AXL: variants seen among roughly 807,000 people sequenced by gnomAD.
AXL encodes tyrosine-protein kinase receptor UFO.
Under a neutral mutation model 104.5 loss-of-function variants are expected in AXL, and 52 were observed. That is an observed-to-expected ratio of 0.50 (90% CI 0.40 to 0.63). The LOEUF (loss-of-function observed/expected upper bound fraction) is 0.63. Among genes scored for constraint, AXL ranks in the 20% least tolerant of loss-of-function variants. The probability of loss-of-function intolerance (pLI) is 0.00; values close to 1 mark genes in which losing one functional copy is unlikely to be tolerated. For synonymous variants in AXL, 455 were observed against 473.7 expected (o/e 0.96, Z 0.51); for missense variants, 1,024 against 1,188.5 (o/e 0.86, Z 2.04).
chr19:41,231,246 C>A lies in AXL; in HGVS notation c.731C>A (p.Ala244Asp), dbSNP rs950685158. 3.1e-6 allele frequency: 5 copies of A among 1,613,760 alleles called. No homozygotes were observed. The highest frequency in any genetic ancestry group is 4.2e-6 in the Non-Finnish European group (5 of 1,179,848). Residue 244 changes from alanine (A) to aspartate (D), a missense_variant, in exon 6 of 20, where the codon GCT becomes GAT. By Grantham distance (126) the Ala-to-Asp change is moderately radical. Transcript: ENST00000301178. ...CGCCAACCCACGGAGCTGGAGGTGGCTTGGACTCCAGGCCTGAGCGGCATC... is the reference window on the plus strand; with the variant it reads ...CGCCAACCCACGGAGCTGGAGGTGGATTGGACTCCAGGCCTGAGCGGCATC... The part of the protein sequence containing the change: ...VSRQPTELEV[A>D]WTPGLSGIYP...
chr19:41,222,766 C>T (rs966709614), intron 4 of AXL, among the ~76,000 whole-genome samples: 6 of 152,020 alleles, frequency 3.9e-5, no homozygotes, highest in East Asian at 3.9e-4. Context: ...ATTAGCCGGG[C>T]GTGGTGGCGG....
chr19:41,253,601 C>T lies in AXL; in HGVS notation c.1929C>T (p.Tyr643=). 1 of 1,612,780 alleles carries T rather than the reference C, an allele frequency of 6.2e-7. No individual in the cohort carries two copies. The highest frequency in any genetic ancestry group is 8.5e-7 in the Non-Finnish European group (1 of 1,179,294). ...LYSRLGDQPV[Y]LPTQMLVKFM... Reference sequence around the variant, plus strand: ...TCCCACCTGCCTTGGCTCCCCAGTACCTGCCCACTCAGATGCTAGTGAAGT... The same window carrying T: ...TCCCACCTGCCTTGGCTCCCCAGTATCTGCCCACTCAGATGCTAGTGAAGT... Residue 643 remains tyrosine, a splice_region_variant and synonymous_variant, in exon 17 of 20, where the codon TAC becomes TAT. Coordinates refer to ENST00000301178, the MANE Select transcript of AXL (RefSeq NM_021913.5).
At chr19:41,220,977 G>C (rs1288355492) in intron 2 of AXL, 119 bp downstream of exon 2, 4 of 1,275,974 alleles carry the variant, frequency 3.1e-6, no homozygotes, top group Admixed American at 2.4e-5. Flanking sequence ...AGCATGTGAT[G>C]GAACCTCTAG....
chr19:41,233,532 GA>G (rs2034029494), intron 6 of AXL, among the ~76,000 whole-genome samples: 1 of 151,460 alleles, frequency 6.6e-6, no homozygotes, highest in Admixed American at 6.6e-5. Context: ...TCGGGAGGCT[GA>G]AGTGGGACAA....
Position 41,219,401 on chromosome 19 carries a change from G to T in AXL, c.9G>T (p.Trp3Cys). The T allele has an allele frequency of 3.8e-6, 6 of 1,599,652 alleles. No individual in the cohort carries two copies. Among genetic ancestry groups the T allele is most frequent in the Non-Finnish European group, 5.1e-6 (6 of 1,173,568 alleles). The change falls in exon 1 of 20, where the codon TGG becomes TGT. Residue 3 changes from tryptophan (W) to cysteine (C), a missense_variant. Transcript: ENST00000301178. ...AGGAAAGTTTGGCACCCATGGCGTG[G>T]CGGTGCCCCAGGATGGGCAGGGTCC... is the stretch of plus-strand genomic sequence containing the variant. MA[W>C]RCPRMGRVPL...
intron 7 of AXL, 98 bp from the exon 8 acceptor site, chr19:41,238,372 C>A: frequency 6.4e-7 from 1 of 1,551,614 alleles, no homozygotes; most frequent in Non-Finnish European, 8.7e-7. Flanking sequence ...GAGTTGCCCA[C>A]GTGTGTGCCC....
intron 14 of AXL, among the ~76,000 whole-genome samples, chr19:41,249,670 C>T (rs867346259): frequency 1.3e-4 from 19 of 151,882 alleles, no homozygotes; most frequent in Admixed American, 1.2e-3. Context: ...GCAGGAGAAT[C>T]GCTTGAACCT....
intron 17 of AXL, 65 bp downstream of exon 17, chr19:41,253,773 C>T: frequency 7.7e-7 from 1 of 1,304,694 alleles, no homozygotes; most frequent in Non-Finnish European, 1.1e-6. Context: ...AGTTCCCTCC[C>T]TCCTTCTTAG....
Position 41,252,367 on chromosome 19 carries a change from G to A in AXL, c.1728G>A (p.Arg576=). 2 of 1,613,772 alleles carry A rather than the reference G, an allele frequency of 1.2e-6. No homozygotes were observed. Among genetic ancestry groups the A allele is most frequent in the Non-Finnish European group, 1.7e-6 (2 of 1,179,922 alleles). The part of the protein sequence containing the change: ...VKTMKIAICT[R]SELEDFLSEA... The stretch of plus-strand genomic sequence containing the variant: ...TCCCTCAAGTTGCCATCTGCACGAG[G>A]TCAGAGCTGGAGGATTTCCTGAGTG... Residue 576 remains arginine (R), a synonymous_variant, in exon 15 of 20, where the codon AGG becomes AGA. Coordinates refer to ENST00000301178, the MANE Select transcript of AXL (RefSeq NM_021913.5).
At position 41,252,449 on chromosome 19, in the gene AXL, A is replaced by C; in HGVS notation, c.1804+6A>C. On this transcript the variant is annotated splice_donor_region_variant and intron_variant, in intron 15 of 19. Coordinates refer to ENST00000301178, the MANE Select transcript of AXL (RefSeq NM_021913.5). ...CAACGTCATGAGGCTCATCGGTGAG[A>C]GAGGGGCAGATTCAAGGGGTCTACA... is the stretch of plus-strand genomic sequence containing the variant. 2 of 1,613,774 alleles carry C rather than the reference A, an allele frequency of 1.2e-6. No homozygotes were observed. Among genetic ancestry groups the C allele is most frequent in the Non-Finnish European group, 1.7e-6 (2 of 1,179,758 alleles).
rs529144010 is a variant in AXL, at chr19:41,252,111, TA to T, written c.1712-223del. On this transcript the variant is annotated intron_variant, in intron 14 of 19. Transcript: ENST00000301178. ...CTGGACAACAGAGTGAGACTCCATC[TA>T]AAAAAAAAAAAAAAAAGAAAATATA... Among the ~76,000 whole-genome samples, 19,154 of 107,994 alleles carry T rather than the reference TA, an allele frequency of 0.18. 1,482 individuals carry two copies. The highest frequency in any genetic ancestry group is 0.27 in the African/African-American group (8,058 of 29,464). The allele number at this position is 107,994 out of a possible 152,430, so 70.8% of individuals were successfully genotyped here.
chr19:41,248,674 C>CA, intron 13 of AXL, 65 bp downstream of exon 13: 2 of 1,611,140 alleles, frequency 1.2e-6, no homozygotes, highest in South Asian at 2.2e-5. Flanking sequence ...TCCACACTCC[C>CA]ACCCAACTAT....
At chr19:41,257,684 C>A (rs767039168) in intron 19 of AXL, 55 bp downstream of exon 19, 20 of 1,606,594 alleles carry the variant, frequency 1.2e-5, no homozygotes, top group Admixed American at 6.7e-5. Context: ...CCCTGACTAC[C>A]CCCAGATGGC....
At chr19:41,255,343 CCTTT>C (rs1337755017) in intron 17 of AXL, among the ~76,000 whole-genome samples, 2 of 140,382 alleles carry the variant, frequency 1.4e-5, no homozygotes, top group African/African-American at 2.5e-5. Flanking sequence ...TTCTCTCTGT[CCTTT>C]CTTCTTTCTT....
chr19:41,220,482 G>A lies in AXL; in HGVS notation c.86-154G>A, dbSNP rs368313159. ...CTCCCGTCCTCCTCTCAGAGCCTCC[G>A]CCCTCCACCCCACTCTGAGGTCACT... On this transcript the variant is annotated intron_variant, in intron 1 of 19. Transcript: ENST00000301178. The A allele has an allele frequency of 1.2e-4, 75 of 642,688 alleles. 1 individual carries two copies. The South Asian group carries it at 1.3e-3, about 11-fold the overall frequency. The allele number at this position is 642,688 out of a possible 1,614,324, so 39.8% of individuals were successfully genotyped here.
intron 10 of AXL, among the ~76,000 whole-genome samples, chr19:41,241,116 C>A (rs1272007407): frequency 6.6e-6 from 1 of 152,184 alleles, no homozygotes; most frequent in Non-Finnish European, 1.5e-5. Flanking sequence ...TCCTTGCTCA[C>A]TCCTTGTATC....
intron 8 of AXL, 37 bp from the exon 9 acceptor site, chr19:41,239,127 T>C: frequency 6.2e-7 from 1 of 1,608,420 alleles, no homozygotes; most frequent in Admixed American, 1.7e-5. Context: ...AGCTGGGGGG[T>C]AAGGTTCTAC....
At chr19:41,238,246 C>A in intron 7 of AXL, 92 bp downstream of exon 7, 2 of 1,481,620 alleles carry the variant, frequency 1.3e-6, no homozygotes, top group Non-Finnish European at 9.4e-7. Flanking sequence ...CACTCCTTTA[C>A]CCCTCATGGC....
At position 41,220,746 on chromosome 19, in the gene AXL, G is replaced by A. The variant is rs1413460761; in HGVS notation, c.196G>A (p.Glu66Lys). Residue 66 changes from glutamate (E) to lysine (K), a missense_variant, in exon 2 of 20, where the codon GAG becomes AAG. Physicochemically the swap from Glu to Lys is moderately conservative, Grantham distance 56. This residue lies in a region of AXL where 124 missense variants were observed against 115.5 expected (regional missense o/e 1.07). Transcript: ENST00000301178. ...CQLQVQGEPPEVHWLRDGQIL... is the reference protein window; with the variant it reads ...CQLQVQGEPPKVHWLRDGQIL... The stretch of plus-strand genomic sequence containing the variant: ...GCTCCAGGTTCAGGGAGAGCCCCCC[G>A]AGGTACATTGGCTTCGGGATGGACA... 2.4e-5 allele frequency: 38 copies of A among 1,614,044 alleles called. No individual in the cohort carries two copies. The highest frequency in any genetic ancestry group is 3.0e-5 in the Non-Finnish European group (35 of 1,180,010).
Sources: allele counts gnomAD v4.1 joint callset (sites outside exome capture counted in the v4.1 genomes callset), GRCh38; gene constraint gnomAD v4.1.1; regional missense constraint gnomAD v4.1.1; transcripts MANE v1.5; gene names NCBI Gene and HGNC (gene_info 2026-07-23, HGNC 2026-07-21).